The following NACC2 variants were observed in gnomAD, a reference collection of about 807,000 sequenced individuals.
NACC2 encodes the protein NACC family member 2, also known as nucleus accumbens-associated protein 2.
In NACC2, 8 loss-of-function variants were observed where a neutral mutation model predicts 25.1. That is an observed-to-expected ratio of 0.32 (90% CI 0.19 to 0.57). The LOEUF is 0.57. Ranked by LOEUF, NACC2 falls within the 20% of genes least tolerant of loss-of-function variation. The pLI, the probability that NACC2 is intolerant of heterozygous loss-of-function variation, is 0.89. For synonymous variants in NACC2, 435 were observed against 294.7 expected (o/e 1.48, Z -4.88); for missense variants, 644 against 650.2 (o/e 0.99, Z 0.10).
intron 1 of NACC2, among the ~76,000 whole-genome samples, chr9:136,065,606 C>G (rs141544810): frequency 1.3e-5 from 2 of 151,234 alleles, no homozygotes; most frequent in African/African-American, 4.9e-5. Flanking sequence ...GGTGACAAAG[C>G]GAGACGCGGT....
intron 3 of NACC2, among the ~76,000 whole-genome samples, chr9:136,014,871 G>A (rs1279590544): frequency 6.6e-6 from 1 of 152,198 alleles, no homozygotes; most frequent in East Asian, 1.9e-4. Flanking sequence ...TGTCCCACCA[G>A]GGTCTGGGTG....
chr9:136,050,356 G>A lies in NACC2; in HGVS notation c.166C>T (p.Arg56Cys). Residue 56 changes from arginine to cysteine, a missense_variant, in exon 2 of 6, where the codon CGC becomes TGC. Coordinates refer to ENST00000277554, the MANE Select transcript of NACC2 (RefSeq NM_144653.5). ...AVLAASSLYF[R>C]DLFSGNSKSA... ...TTGCTGTTGCCGCTGAACAGGTCGCGGAAGTAGAGGCTGCTGGCGGCCAGC... is the reference window on the plus strand; with the variant it reads ...TTGCTGTTGCCGCTGAACAGGTCGCAGAAGTAGAGGCTGCTGGCGGCCAGC... 1.3e-6 allele frequency: 1 copy of A among 748,600 alleles called. No individual in the cohort carries two copies. The highest frequency in any genetic ancestry group is 2.5e-6 in the Non-Finnish European group (1 of 408,066). 46.4% of individuals were successfully genotyped at this position (748,600 alleles called of 1,614,324 possible).
intron 1 of NACC2, among the ~76,000 whole-genome samples, chr9:136,064,610 T>C (rs1010928279): frequency 1.3e-5 from 2 of 152,190 alleles, no homozygotes; most frequent in East Asian, 3.9e-4. Flanking sequence ...ATTATTAAAG[T>C]CTTCCTTAAT....
Position 136,013,415 on chromosome 9 carries a change from C to T in NACC2, c.1158-119G>A, listed in dbSNP as rs957253374. 2.7e-5 allele frequency: 23 copies of T among 853,094 alleles called. No homozygotes were observed. The African/African-American group carries it at 2.9e-4, about 11-fold the overall frequency. The allele number at this position is 853,094 out of a possible 1,614,324, so 52.8% of individuals were successfully genotyped here. ...CTTGGCCTCACCCTTGGCTGGTCTG[C>T]GTGTGTCCCAGTGGCAGGAGCCGGC... On this transcript the variant is annotated intron_variant, in intron 4 of 5. Transcript: ENST00000277554. The surrounding 1 kb of genome is among the most constrained non-coding windows in gnomAD (Gnocchi z 6.6).
At chr9:136,043,562 G>T (rs911938377) in intron 2 of NACC2, among the ~76,000 whole-genome samples, 3 of 152,308 alleles carry the variant, frequency 2.0e-5, no homozygotes, top group African/African-American at 7.2e-5. Context: ...ACCACATGAC[G>T]AACAGAAACC....
intron 2 of NACC2, among the ~76,000 whole-genome samples, chr9:136,029,015 G>C (rs886879049): frequency 3.3e-5 from 5 of 152,236 alleles, no homozygotes; most frequent in Non-Finnish European, 7.3e-5. Flanking sequence ...CCATAAGCAG[G>C]TTAATGGTGG....
In NACC2 at chr9:136,018,286, G is replaced by A. The variant is rs767560321; in HGVS notation, c.887-1857C>T. Among the ~76,000 whole-genome samples, 34 of 152,094 alleles carry A rather than the reference G, an allele frequency of 2.2e-4. No homozygotes were observed. Among genetic ancestry groups the A allele is most frequent in the Non-Finnish European group, 4.7e-4 (32 of 67,978 alleles). On this transcript the variant is annotated intron_variant, in intron 2 of 5. Coordinates refer to ENST00000277554, the MANE Select transcript of NACC2 (RefSeq NM_144653.5). This position sits in a 1 kb window ranked among gnomAD's most constrained non-coding sequence, Gnocchi z 4.4. The stretch of plus-strand genomic sequence containing the variant: ...GCGTGGGGGGGCTGCCAAGGGGGCT[G>A]CTGGGGAGCAGCCTGAGGAGGGCAG...
At chr9:136,012,161 C>T (rs1840121291) in intron 5 of NACC2, 137 bp from the exon 6 acceptor site, 6 of 1,112,010 alleles carry the variant, frequency 5.4e-6, no homozygotes, top group Non-Finnish European at 7.4e-6. Flanking sequence ...TGGGGCTCTC[C>T]TGGCCTCAGC....
chr9:136,043,867 C>T (rs1028351813), intron 2 of NACC2, among the ~76,000 whole-genome samples: 8 of 152,240 alleles, frequency 5.3e-5, no homozygotes, highest in African/African-American at 1.9e-4. Context: ...CGCTCTGTCA[C>T]CAGGCTGGAG....
intron 1 of NACC2, among the ~76,000 whole-genome samples, chr9:136,072,219 C>A (rs1313428791): frequency 6.6e-6 from 1 of 150,382 alleles, no homozygotes; most frequent in Non-Finnish European, 1.5e-5. Context: ...GCCTGGGCAA[C>A]AAGAGTGAAA....
In NACC2 at chr9:136,018,540, C is replaced by G. The variant is rs890793262; in HGVS notation, c.887-2111G>C. 6.6e-6 allele frequency among the ~76,000 whole-genome samples: 1 copy of G among 151,992 alleles called. No homozygotes were observed. The highest frequency in any genetic ancestry group is 1.5e-5 in the Non-Finnish European group (1 of 67,978). ...ACTCCCTCCCCAGGGACCCACTGGCCCAGGATGAGCGTGGTACGCACTGCA... is the reference window on the plus strand; with the variant it reads ...ACTCCCTCCCCAGGGACCCACTGGCGCAGGATGAGCGTGGTACGCACTGCA... On this transcript the variant is annotated intron_variant, in intron 2 of 5. Transcript: ENST00000277554. The surrounding 1 kb of genome is among the most constrained non-coding windows in gnomAD (Gnocchi z 4.4).
intron 1 of NACC2, among the ~76,000 whole-genome samples, chr9:136,053,297 C>T (rs963484343): frequency 1.0e-3 from 152 of 152,312 alleles, no homozygotes; most frequent in African/African-American, 3.2e-3. Context: ...TGAATGGGGA[C>T]GGGAAGAGAT....
rs1840269492 is a variant in NACC2, at chr9:136,020,156, G to A, written c.887-3727C>T. Among the ~76,000 whole-genome samples the A allele has an allele frequency of 6.6e-6, 1 of 152,126 alleles. No homozygotes were observed. Among genetic ancestry groups the A allele is most frequent in the African/African-American group, 2.4e-5 (1 of 41,420 alleles). On this transcript the variant is annotated intron_variant, in intron 2 of 5. Transcript: ENST00000277554. The surrounding 1 kb of genome is among the most constrained non-coding windows in gnomAD (Gnocchi z 4.7). ...AAGTCACTGCAACGGCCCCTCTCAC[G>A]TCCACTTTACCACAATAACAACGCT...
intron 1 of NACC2, among the ~76,000 whole-genome samples, chr9:136,088,926 T>A (rs1830406611): frequency 6.6e-6 from 1 of 152,250 alleles, no homozygotes; most frequent in South Asian, 2.1e-4. Context: ...TTGCATAATA[T>A]TCTTTGCAAG....
intron 2 of NACC2, among the ~76,000 whole-genome samples, chr9:136,023,215 C>CA (rs1840325173): frequency 6.6e-6 from 1 of 150,736 alleles, no homozygotes; most frequent in Non-Finnish European, 1.5e-5. Flanking sequence ...CTCGAGTCCC[C>CA]ATGCCCACAC....
chr9:136,054,398 C>A (rs1286165322), intron 1 of NACC2, among the ~76,000 whole-genome samples: 1 of 152,214 alleles, frequency 6.6e-6, no homozygotes, highest in Non-Finnish European at 1.5e-5. Flanking sequence ...TGCAGCCCCA[C>A]GCCCCAGCCT....
chr9:136,013,794 GCT>G lies in NACC2; in HGVS notation c.1157+68_1157+69del. On this transcript the variant is annotated intron_variant, in intron 4 of 5. Coordinates refer to ENST00000277554, the MANE Select transcript of NACC2 (RefSeq NM_144653.5). The surrounding 1 kb of genome is among the most constrained non-coding windows in gnomAD (Gnocchi z 6.6). ...TGCCACAACCCTGGACGATCAGACA[GCT>G]CATAGCTAAAGGAGCCAGAACCCTC... 1 of 1,352,192 alleles carries G rather than the reference GCT, an allele frequency of 7.4e-7. No homozygotes were observed. 83.8% of individuals were successfully genotyped at this position (1,352,192 alleles called of 1,614,324 possible). A position where few individuals can be genotyped will look rare whatever the true frequency, so the allele number is the denominator to read the frequency against.
intron 1 of NACC2, among the ~76,000 whole-genome samples, chr9:136,058,622 A>C (rs1840964301): frequency 6.6e-6 from 1 of 152,102 alleles, no homozygotes; most frequent in South Asian, 2.1e-4. Context: ...AAACTAACCC[A>C]CCGGGTACCA....
intron 1 of NACC2, among the ~76,000 whole-genome samples, chr9:136,057,210 A>G (rs1840938698): frequency 1.3e-5 from 2 of 152,232 alleles, no homozygotes; most frequent in African/African-American, 4.8e-5. Flanking sequence ...GAATGACCCA[A>G]GCAGCCACGG....
Sources: gnomAD v4.1 joint callset for allele counts (sites outside exome capture counted in the v4.1 genomes callset) on GRCh38, gnomAD v4.1.1 for gene constraint, Gnocchi (gnomAD v3.1) non-coding constraint, MANE v1.5 for transcripts, NCBI Gene and HGNC (gene_info 2026-07-23, HGNC 2026-07-21) for gene names.